GADL1: variants seen among roughly 807,000 people sequenced by gnomAD.
GADL1 encodes acidic amino acid decarboxylase GADL1.
GADL1 carries 71 observed loss-of-function variants against 69.5 expected under a neutral mutation model. The observed-to-expected ratio is 1.02, with a 90% CI of 0.84 to 1.25. GADL1 has a LOEUF of 1.25. Ranked by LOEUF, GADL1 falls within the 50% of genes most tolerant of loss-of-function variation. The pLI, the probability that GADL1 is intolerant of heterozygous loss-of-function variation, is 0.00. For missense variants in GADL1, 737 were observed against 631.8 expected (o/e 1.17, Z -1.79); for synonymous variants, 254 against 214.4 (o/e 1.18, Z -1.62).
intron 2 of GADL1, among the ~76,000 whole-genome samples, chr3:30,859,719 G>T (rs1303219031): frequency 6.6e-6 from 1 of 151,874 alleles, no homozygotes. Context: ...AACTAGCAGT[G>T]ATCACTGCAC....
Position 30,889,084 on chromosome 3 carries a change from T to TAAAAAAAAAAAA in GADL1, c.37+5482_37+5493dup, listed in dbSNP as rs60227313. Among the ~76,000 whole-genome samples, 26 of 32,914 alleles carry TAAAAAAAAAAAA rather than the reference T, an allele frequency of 7.9e-4. 5 individuals carry two copies. Among genetic ancestry groups the TAAAAAAAAAAAA allele is most frequent in the African/African-American group, 1.2e-3 (14 of 11,990 alleles). The allele number at this position is 32,914 out of a possible 152,430, so 21.6% of individuals were successfully genotyped here. ...GAAATACCGAAGACTCGGTAATCTATAAAAAAAAAAAAAAAAAAAAAAAAA... is the reference window on the plus strand; with the variant it reads ...GAAATACCGAAGACTCGGTAATCTATAAAAAAAAAAAAAAAAAAAAAAAAAAAAAAAAAAAAA... On this transcript the variant is annotated intron_variant, in intron 1 of 14. Transcript: ENST00000282538.
chr3:30,735,435 C>A (rs1463659063), intron 14 of GADL1, among the ~76,000 whole-genome samples: 5 of 152,082 alleles, frequency 3.3e-5, no homozygotes, highest in African/African-American at 1.2e-4. Context: ...TGTGGTATAC[C>A]TATACAATGG....
At chr3:30,777,275 A>C (rs1696560508) in intron 14 of GADL1, among the ~76,000 whole-genome samples, 1 of 151,750 alleles carries the variant, frequency 6.6e-6, no homozygotes, top group Non-Finnish European at 1.5e-5. Flanking sequence ...TTTCCCCCTG[A>C]GGGTAAGGAG....
At chr3:30,756,063 G>A (rs1695963122) in intron 14 of GADL1, among the ~76,000 whole-genome samples, 1 of 152,150 alleles carries the variant, frequency 6.6e-6, no homozygotes, top group Non-Finnish European at 1.5e-5. Context: ...GGGCTGTGCA[G>A]GAGGAGTTTC....
intron 14 of GADL1, among the ~76,000 whole-genome samples, chr3:30,766,210 A>C (rs932440962): frequency 6.6e-6 from 1 of 152,326 alleles, no homozygotes; most frequent in Middle Eastern, 3.4e-3. Flanking sequence ...AAGAATGAAG[A>C]GGTGGTAGAA....
At chr3:30,752,294 C>T (rs1222945405) in intron 14 of GADL1, among the ~76,000 whole-genome samples, 4 of 151,344 alleles carry the variant, frequency 2.6e-5, no homozygotes, top group Non-Finnish European at 5.9e-5. Context: ...CACAGCTTAA[C>T]TTTCATTTCA....
At chr3:30,841,030 T>A (rs938211357) in intron 8 of GADL1, among the ~76,000 whole-genome samples, 1 of 152,218 alleles carries the variant, frequency 6.6e-6, no homozygotes, top group Non-Finnish European at 1.5e-5. Context: ...TGCAACAGTT[T>A]TTCAATGGAT....
intron 14 of GADL1, among the ~76,000 whole-genome samples, chr3:30,731,799 C>A (rs1336683620): frequency 6.6e-6 from 1 of 152,178 alleles, no homozygotes; most frequent in Non-Finnish European, 1.5e-5. Context: ...CAGGCAGTTA[C>A]TACTAGGTAA....
chr3:30,745,670 G>C (rs1418496483), intron 14 of GADL1, among the ~76,000 whole-genome samples: 1 of 152,138 alleles, frequency 6.6e-6, no homozygotes, highest in Non-Finnish European at 1.5e-5. Flanking sequence ...TGAATAATTA[G>C]TGTCAAATGT....
rs1338099005 is a variant in GADL1, at chr3:30,726,238, T to C, written c.*2004A>G. On this transcript the variant is annotated 3_prime_UTR_variant, in exon 15 of 15. Transcript: ENST00000282538. ...TTTCCATTTTATTCAAGGTGTTAAC[T>C]AAAATACAGAGAGCTTTCAACCTAC... 1.3e-5 allele frequency: 2 copies of C among 152,124 alleles called. No homozygotes were observed. Among genetic ancestry groups the C allele is most frequent in the Non-Finnish European group, 2.9e-5 (2 of 68,022 alleles). The allele number at this position is 152,124 out of a possible 1,614,324, so 9.4% of individuals were successfully genotyped here.
chr3:30,788,140 A>G (rs1408817499), intron 12 of GADL1, among the ~76,000 whole-genome samples: 2 of 152,204 alleles, frequency 1.3e-5, no homozygotes, highest in Non-Finnish European at 2.9e-5. Context: ...TAAACCATCT[A>G]TCACACTGGC....
intron 14 of GADL1, among the ~76,000 whole-genome samples, chr3:30,767,410 C>T (rs373209577): frequency 3.8e-5 from 3 of 78,942 alleles, no homozygotes; most frequent in African/African-American, 1.2e-4. Flanking sequence ...GTTCTTGGCA[C>T]AAAAACAGAA....
At chr3:30,885,021 C>T (rs1698685011) in intron 1 of GADL1, among the ~76,000 whole-genome samples, 1 of 151,974 alleles carries the variant, frequency 6.6e-6, no homozygotes. Flanking sequence ...CCTTTGCTCT[C>T]CTGACAAGCA....
At chr3:30,788,114 G>A (rs1363429910) in intron 12 of GADL1, among the ~76,000 whole-genome samples, 2 of 152,148 alleles carry the variant, frequency 1.3e-5, no homozygotes, top group East Asian at 1.9e-4. Flanking sequence ...CAGAAGACAT[G>A]TAGCTATAAA....
intron 5 of GADL1, 139 bp from the exon 6 acceptor site, chr3:30,850,250 C>A: frequency 3.1e-6 from 2 of 640,056 alleles, no homozygotes; most frequent in Non-Finnish European, 5.5e-6. Context: ...TGAACACCGA[C>A]CTCCCTGCTC....
chr3:30,775,856 G>A (rs1696524693), intron 14 of GADL1, among the ~76,000 whole-genome samples: 2 of 152,152 alleles, frequency 1.3e-5, no homozygotes, highest in South Asian at 4.1e-4. Flanking sequence ...CAACAATTTG[G>A]GAGGCCGAGG....
At chr3:30,824,277 GAGA>G (rs1050014265) in intron 11 of GADL1, among the ~76,000 whole-genome samples, 14 of 131,050 alleles carry the variant, frequency 1.1e-4, no homozygotes, top group African/African-American at 4.6e-4. Context: ...AAGGCAAAAA[GAGA>G]AAAAAAATTA....
In GADL1 at chr3:30,778,288, T is replaced by C. The variant is rs1696585303; in HGVS notation, c.1303-20A>G. The C allele has an allele frequency of 6.9e-7, 1 of 1,440,052 alleles. No individual in the cohort carries two copies. Among genetic ancestry groups the C allele is most frequent in the African/African-American group, 1.4e-5 (1 of 69,854 alleles). The allele number at this position is 1,440,052 out of a possible 1,614,324, so 89.2% of individuals were successfully genotyped here. On this transcript the variant is annotated intron_variant, in intron 13 of 14. Transcript: ENST00000282538. ...TTCAGGCTGAGAATTAGAAAAAATA[T>C]AAAGTTGTTATCTTAAGATTTATCT...
In GADL1 at chr3:30,871,660, G is replaced by C. The variant is rs368298509; in HGVS notation, c.38-9895C>G. Among the ~76,000 whole-genome samples, 13 of 151,758 alleles carry C rather than the reference G, an allele frequency of 8.6e-5. No homozygotes were observed. In the East Asian group the frequency reaches 1.4e-3, roughly 16 times the overall value. On this transcript the variant is annotated intron_variant, in intron 1 of 14. Coordinates refer to ENST00000282538, the MANE Select transcript of GADL1 (RefSeq NM_207359.3). ...GGAGGGAACATGTTCCCGTCACCCAGAGTTTTACATTATGAGACTACGTTG... is the reference window on the plus strand; with the variant it reads ...GGAGGGAACATGTTCCCGTCACCCACAGTTTTACATTATGAGACTACGTTG...
Sources: gnomAD v4.1 joint callset for allele counts (sites outside exome capture counted in the v4.1 genomes callset) on GRCh38, gnomAD v4.1.1 for gene constraint, MANE v1.5 for transcripts, NCBI Gene and HGNC (gene_info 2026-07-23, HGNC 2026-07-21) for gene names.